RAPGEF6: variants seen among roughly 807,000 people sequenced by gnomAD.
The protein encoded by RAPGEF6 is Rap guanine nucleotide exchange factor 6.
In RAPGEF6, 56 loss-of-function variants were observed where a neutral mutation model predicts 171.4. The ratio of observed to expected loss-of-function variants is 0.33; its 90% CI spans 0.26 to 0.41. The LOEUF (loss-of-function observed/expected upper bound fraction) is 0.41. Ranked by LOEUF, RAPGEF6 falls within the 10% of genes least tolerant of loss-of-function variation. The probability of loss-of-function intolerance (pLI) is 1.00; values close to 1 mark genes in which losing one functional copy is unlikely to be tolerated. For missense variants in RAPGEF6, 1,674 were observed against 1,921.4 expected, an observed-to-expected ratio of 0.87 and a Z score of 2.41; for synonymous variants, 692 against 650.1, an observed-to-expected ratio of 1.06 and a Z score of -0.98.
chr5:131,495,064 G>T (rs1236250389), intron 13 of RAPGEF6, among the ~76,000 whole-genome samples: 1 of 152,140 alleles, frequency 6.6e-6, no homozygotes, highest in African/African-American at 2.4e-5. Context: ...GAAGGCCGAG[G>T]CGGGCGGATC....
rs564201574 is a variant in RAPGEF6, at chr5:131,475,522, A to C, written c.2082-2778T>G. 2.0e-5 allele frequency among the ~76,000 whole-genome samples: 3 copies of C among 152,362 alleles called. No individual in the cohort carries two copies. The East Asian group carries it at 5.8e-4, about 29-fold the overall frequency. ...AAATGGGGAGGAAAAATATAATTCCAGTTAAGCAAGCAAGGCAGTTTATTT... is the reference window on the plus strand; with the variant it reads ...AAATGGGGAGGAAAAATATAATTCCCGTTAAGCAAGCAAGGCAGTTTATTT... On this transcript the variant is annotated intron_variant, in intron 16 of 27. Transcript: ENST00000509018.
intron 4 of RAPGEF6, among the ~76,000 whole-genome samples, chr5:131,563,106 A>T (rs1761708369): frequency 6.6e-6 from 1 of 152,104 alleles, no homozygotes; most frequent in South Asian, 2.1e-4. Context: ...GACACAAATG[A>T]CTTACATATG....
chr5:131,571,898 T>C (rs965487122), intron 4 of RAPGEF6, among the ~76,000 whole-genome samples: 2 of 152,146 alleles, frequency 1.3e-5, no homozygotes, highest in African/African-American at 4.8e-5. Flanking sequence ...GAATGTACTT[T>C]GTAACATTCC....
chr5:131,431,810 T>C (rs1284830044), intron 25 of RAPGEF6, among the ~76,000 whole-genome samples: 1 of 152,130 alleles, frequency 6.6e-6, no homozygotes, highest in Non-Finnish European at 1.5e-5. Flanking sequence ...TGATTTTAAA[T>C]GAAAATGTAA....
At chr5:131,518,284 T>C (rs933869449) in intron 7 of RAPGEF6, among the ~76,000 whole-genome samples, 3 of 152,014 alleles carry the variant, frequency 2.0e-5, no homozygotes, top group African/African-American at 7.2e-5. Context: ...ATTTTTATGA[T>C]TTTGATTTTT....
intron 5 of RAPGEF6, among the ~76,000 whole-genome samples, chr5:131,548,883 A>G (rs944064650): frequency 6.6e-6 from 1 of 152,096 alleles, no homozygotes. Flanking sequence ...CTGGCAACAG[A>G]GCAAGACCCC....
chr5:131,592,193 G>A lies in RAPGEF6; in HGVS notation c.281+190C>T, dbSNP rs111624286. ...TTTTCAGACAGGAAGAAGATATCAT[G>A]TCATGGTGTAAGCTTACAGATTATA... On this transcript the variant is annotated intron_variant, in intron 4 of 27. Coordinates refer to ENST00000509018, the MANE Select transcript of RAPGEF6 (RefSeq NM_016340.6). Among the ~76,000 whole-genome samples, 794 of 152,286 alleles carry A rather than the reference G, an allele frequency of 5.2e-3. 5 individuals carry two copies. The highest frequency in any genetic ancestry group is 0.018 in the African/African-American group (755 of 41,548).
intron 7 of RAPGEF6, among the ~76,000 whole-genome samples, chr5:131,511,061 C>T (rs758789496): frequency 2.0e-5 from 3 of 152,144 alleles, no homozygotes; most frequent in Non-Finnish European, 4.4e-5. Context: ...CAATACTTTA[C>T]TGTAGGATCT....
chr5:131,431,190 G>A lies in RAPGEF6; in HGVS notation c.4134C>T (p.Ser1378=). Residue 1378 remains serine (S), a synonymous_variant, in exon 26 of 28, where the codon AGC becomes AGT. Transcript: ENST00000509018. ...CSSSSHDNFQ[S]LPNPKSWDFL... Reference sequence around the variant, plus strand: ...AATCCCAGCTTTTTGGGTTTGGAAGGCTTTGGAAGTTGTCATGGGAGCTGC... The same window carrying A: ...AATCCCAGCTTTTTGGGTTTGGAAGACTTTGGAAGTTGTCATGGGAGCTGC... 6.2e-7 allele frequency: 1 copy of A among 1,614,206 alleles called. No homozygotes were observed. The highest frequency in any genetic ancestry group is 8.5e-7 in the Non-Finnish European group (1 of 1,180,036).
At chr5:131,441,082 T>C (rs919050181) in intron 23 of RAPGEF6, among the ~76,000 whole-genome samples, 3 of 152,226 alleles carry the variant, frequency 2.0e-5, no homozygotes, top group Non-Finnish European at 4.4e-5. Context: ...GGCTTCTCAA[T>C]GTTAACTTTT....
intron 4 of RAPGEF6, among the ~76,000 whole-genome samples, chr5:131,586,839 G>C (rs1763284084): frequency 6.6e-6 from 1 of 152,162 alleles, no homozygotes; most frequent in Non-Finnish European, 1.5e-5. Flanking sequence ...CATCAATTTG[G>C]AATGCAACTT....
intron 16 of RAPGEF6, among the ~76,000 whole-genome samples, chr5:131,477,655 A>C (rs1184067584): frequency 6.6e-6 from 1 of 152,208 alleles, no homozygotes; most frequent in African/African-American, 2.4e-5. Context: ...TAGCTGCCTA[A>C]AACTTGAGTA....
chr5:131,524,597 GGAGAGAGAGATT>G (rs1758738547), intron 6 of RAPGEF6, among the ~76,000 whole-genome samples: 1 of 106,744 alleles, frequency 9.4e-6, no homozygotes. Flanking sequence ...GAGGGAGGGG[GGAGAGAGAGATT>G]GAGAGAGAGA....
At chr5:131,523,088 A>G (rs1024000799) in intron 6 of RAPGEF6, among the ~76,000 whole-genome samples, 5 of 152,190 alleles carry the variant, frequency 3.3e-5, no homozygotes, top group Non-Finnish European at 5.9e-5. Flanking sequence ...ATGACGAGAC[A>G]GGATGGCACT....
chr5:131,524,140 T>C (rs1758699706), intron 6 of RAPGEF6, among the ~76,000 whole-genome samples: 1 of 151,940 alleles, frequency 6.6e-6, no homozygotes, highest in Admixed American at 6.6e-5. Flanking sequence ...TAAAATCCAC[T>C]GGGAGAAGAA....
intron 21 of RAPGEF6, among the ~76,000 whole-genome samples, chr5:131,447,868 A>T (rs745385697): frequency 1.3e-5 from 2 of 152,186 alleles, no homozygotes; most frequent in Admixed American, 6.5e-5. Flanking sequence ...TTCAATTGCT[A>T]TTGGCCAGGC....
chr5:131,591,083 A>T (rs187518388), intron 4 of RAPGEF6, among the ~76,000 whole-genome samples: 113 of 152,316 alleles, frequency 7.4e-4, no homozygotes, highest in South Asian at 6.2e-3. Flanking sequence ...ACCAAAGGCC[A>T]ATGATGTAAA....
At chr5:131,558,745 A>ATT (rs61692810) in intron 5 of RAPGEF6, among the ~76,000 whole-genome samples, 1 of 151,090 alleles carries the variant, frequency 6.6e-6, no homozygotes, top group African/African-American at 2.4e-5. Flanking sequence ...CAGAAGTTGT[A>ATT]TTTTTTTTTC....
intron 21 of RAPGEF6, 149 bp downstream of exon 21, chr5:131,452,905 A>C (rs1247845422): frequency 2.0e-6 from 2 of 987,212 alleles, no homozygotes; most frequent in Non-Finnish European, 2.8e-6. Context: ...ATGGTTATTA[A>C]TGATAAATGA....
Sources: allele counts gnomAD v4.1 joint callset (sites outside exome capture counted in the v4.1 genomes callset), GRCh38; gene constraint gnomAD v4.1.1; transcripts MANE v1.5; gene names NCBI Gene and HGNC (gene_info 2026-07-23, HGNC 2026-07-21).